IRAG1: variants seen among roughly 807,000 people sequenced by gnomAD.
IRAG1 encodes IP3R-associated cGMP kinase substrate.
In IRAG1, 62 loss-of-function variants were observed where a neutral mutation model predicts 106.2. That is an observed-to-expected ratio of 0.58 (90% CI 0.48 to 0.72). The LOEUF (loss-of-function observed/expected upper bound fraction) is 0.72. Ranked by LOEUF, IRAG1 falls within the 30% of genes least tolerant of loss-of-function variation. The pLI is 0.00. For synonymous variants in IRAG1, 462 were observed against 443.9 expected, an observed-to-expected ratio of 1.04 and a Z score of -0.51; for missense variants, 1,064 against 1,140.7, an observed-to-expected ratio of 0.93 and a Z score of 0.97.
At chr11:10,635,275 C>T (rs1195568241) in intron 2 of IRAG1, among the ~76,000 whole-genome samples, 1 of 152,204 alleles carries the variant, frequency 6.6e-6, no homozygotes, top group Non-Finnish European at 1.5e-5. Flanking sequence ...CCTTCTCCTC[C>T]TTCCCACCCC....
chr11:10,677,661 G>A (rs1255679215), intron 1 of IRAG1, among the ~76,000 whole-genome samples: 1 of 152,174 alleles, frequency 6.6e-6, no homozygotes, highest in Non-Finnish European at 1.5e-5. Flanking sequence ...CCATTTTGAA[G>A]TGTACAATTC....
chr11:10,644,966 T>C (rs1857826456), intron 2 of IRAG1, among the ~76,000 whole-genome samples: 1 of 152,112 alleles, frequency 6.6e-6, no homozygotes, highest in Non-Finnish European at 1.5e-5. Flanking sequence ...ACTCGAGATA[T>C]TCCCATAGAC....
chr11:10,593,407 G>T, intron 17 of IRAG1, 85 bp downstream of exon 17: 3 of 1,096,266 alleles, frequency 2.7e-6, no homozygotes, highest in Non-Finnish European at 4.0e-6. Context: ...GCCCCCATTT[G>T]GTCACCCTCC....
intron 1 of IRAG1, among the ~76,000 whole-genome samples, chr11:10,684,009 A>T (rs1861468939): frequency 6.6e-6 from 1 of 152,226 alleles, no homozygotes; most frequent in Non-Finnish European, 1.5e-5. Context: ...TATGATTTAT[A>T]ATAAAGAAAT....
chr11:10,625,655 G>T (rs1368648699), intron 9 of IRAG1, among the ~76,000 whole-genome samples: 2 of 152,108 alleles, frequency 1.3e-5, no homozygotes, highest in Non-Finnish European at 2.9e-5. Flanking sequence ...GAGGAAAGCA[G>T]CCCAGGACTG....
intron 2 of IRAG1, among the ~76,000 whole-genome samples, chr11:10,646,500 A>T (rs1857956259): frequency 6.6e-6 from 1 of 152,146 alleles, no homozygotes; most frequent in South Asian, 2.1e-4. Flanking sequence ...TTCTGAGCCA[A>T]AACAGGAGGA....
At chr11:10,627,547 C>T (rs1345643878) in intron 8 of IRAG1, among the ~76,000 whole-genome samples, 169 bp downstream of exon 8, 1 of 151,970 alleles carries the variant, frequency 6.6e-6, no homozygotes, top group African/African-American at 2.4e-5. Context: ...CCACCTTAGA[C>T]TTCTAGTCAC....
At chr11:10,617,330 C>T (rs1306354342) in intron 10 of IRAG1, 1 of 270,166 alleles carries the variant, frequency 3.7e-6, no homozygotes. Flanking sequence ...ACCTCCTTCC[C>T]CACAAATACA....
At chr11:10,687,875 T>C (rs1861778338) in intron 1 of IRAG1, 1 of 1,122,752 alleles carries the variant, frequency 8.9e-7, no homozygotes, top group South Asian at 1.4e-5. Flanking sequence ...TTGCTTTTTT[T>C]TGGGGGGGGG....
intron 1 of IRAG1, among the ~76,000 whole-genome samples, chr11:10,682,375 C>T (rs1861326090): frequency 6.6e-6 from 1 of 152,202 alleles, no homozygotes; most frequent in Non-Finnish European, 1.5e-5. Context: ...GCTTTATAAA[C>T]TATAGGAATC....
chr11:10,652,724 T>C (rs1199652205), intron 1 of IRAG1, among the ~76,000 whole-genome samples: 2 of 152,322 alleles, frequency 1.3e-5, no homozygotes, highest in South Asian at 4.1e-4. Context: ...GCTGGGGCTT[T>C]TTCTGCTATA....
intron 10 of IRAG1, among the ~76,000 whole-genome samples, chr11:10,610,923 C>A (rs1854905975): frequency 6.6e-6 from 1 of 152,174 alleles, no homozygotes; most frequent in South Asian, 2.1e-4. Context: ...TGGATTTTAA[C>A]CTGGTAGCTT....
intron 18 of IRAG1, among the ~76,000 whole-genome samples, chr11:10,588,431 C>G (rs536952820): frequency 4.6e-5 from 7 of 152,264 alleles, no homozygotes; most frequent in Non-Finnish European, 8.8e-5. Context: ...CTCACTGAAA[C>G]TTCTCCCGGC....
In IRAG1 at chr11:10,657,165, T is replaced by C. The variant is rs1858990146; in HGVS notation, c.68-4983A>G. On this transcript the variant is annotated intron_variant, in intron 1 of 20. Transcript: ENST00000423302. The surrounding 1 kb of genome is among the most constrained non-coding windows in gnomAD (Gnocchi z 4.1). ...GAACAGAATTTACAGAGACTATCTC[T>C]TTCAGTGCTGTCAGCAGCCCTGTGA... 6.6e-6 allele frequency among the ~76,000 whole-genome samples: 1 copy of C among 152,170 alleles called. No homozygotes were observed. The highest frequency in any genetic ancestry group is 1.5e-5 in the Non-Finnish European group (1 of 68,042).
chr11:10,578,124 T>C (rs1051507889), intron 20 of IRAG1, among the ~76,000 whole-genome samples: 2 of 152,224 alleles, frequency 1.3e-5, no homozygotes, highest in Non-Finnish European at 2.9e-5. Flanking sequence ...TGTGTGACCT[T>C]AGCTGGTCAC....
intron 1 of IRAG1, among the ~76,000 whole-genome samples, chr11:10,655,486 G>A (rs1300067046): frequency 6.6e-6 from 1 of 152,226 alleles, no homozygotes; most frequent in African/African-American, 2.4e-5. Flanking sequence ...GTCAGATGAA[G>A]GCAAGGGACG....
intron 14 of IRAG1, 27 bp from the exon 15 acceptor site, chr11:10,601,086 T>C (rs1853943641): frequency 1.2e-6 from 2 of 1,612,444 alleles, no homozygotes; most frequent in Non-Finnish European, 1.7e-6. Context: ...CATGAGTGCA[T>C]GAGGCCATTG....
chr11:10,600,826 C>A (rs1328726504), intron 15 of IRAG1, 92 bp downstream of exon 15: 3 of 1,524,658 alleles, frequency 2.0e-6, no homozygotes, highest in Non-Finnish European at 2.7e-6. Flanking sequence ...GGAAATAAGT[C>A]CTGGGGCTGT....
At chr11:10,586,704 C>T (rs974599184) in intron 18 of IRAG1, among the ~76,000 whole-genome samples, 10 of 152,216 alleles carry the variant, frequency 6.6e-5, no homozygotes, top group African/African-American at 1.7e-4. Flanking sequence ...AGGCATGAGC[C>T]ACCGCACCTG....
Sources: gnomAD v4.1 joint callset for allele counts (sites outside exome capture counted in the v4.1 genomes callset) on GRCh38, gnomAD v4.1.1 for gene constraint, Gnocchi (gnomAD v3.1) non-coding constraint, MANE v1.5 for transcripts, NCBI Gene and HGNC (gene_info 2026-07-23, HGNC 2026-07-21) for gene names.